The following TRPM6 variants were observed in gnomAD, a reference collection of about 807,000 sequenced individuals.
The protein encoded by TRPM6 is channel kinase 2.
A neutral mutation model predicts 247.6 loss-of-function variants in TRPM6; 111 were observed. That is an observed-to-expected ratio of 0.45 (90% CI 0.38 to 0.52). TRPM6 has a LOEUF of 0.52. Ranked by LOEUF, TRPM6 falls within the 20% of genes least tolerant of loss-of-function variation. TRPM6 has a pLI of 0.00. For synonymous variants in TRPM6, 892 were observed against 853.8 expected (o/e 1.04, Z -0.78); for missense variants, 2,126 against 2,421.5 (o/e 0.88, Z 2.56).
intron 7 of TRPM6, among the ~76,000 whole-genome samples, chr9:74,823,573 A>AT (rs1336506907): frequency 6.6e-6 from 1 of 152,132 alleles, no homozygotes; most frequent in Non-Finnish European, 1.5e-5. Flanking sequence ...CCTCCACCTC[A>AT]TTATTTTCTC....
rs1564030247 is a variant in TRPM6 at position 74,821,650 on chromosome 9, A to G, written c.1010+19T>C. 6.2e-7 allele frequency: 1 copy of G among 1,614,198 alleles called. No individual in the cohort carries two copies. The highest frequency in any genetic ancestry group is 8.5e-7 in the Non-Finnish European group (1 of 1,180,022). On this transcript the variant is annotated intron_variant, in intron 8 of 38. Transcript: ENST00000360774. ...TAAACAGCCCCTATAGTTTCAAAAA[A>G]GAAGAGCCAACAACTCACCCTTCAT... is the stretch of plus-strand genomic sequence containing the variant.
chr9:74,769,378 A>G (rs957029577), intron 25 of TRPM6, among the ~76,000 whole-genome samples: 10 of 152,110 alleles, frequency 6.6e-5, no homozygotes, highest in African/African-American at 2.2e-4. Flanking sequence ...TGAGCTCCTG[A>G]TGTCAAGTGA....
At chr9:74,870,230 C>A (rs1830978593) in intron 1 of TRPM6, among the ~76,000 whole-genome samples, 1 of 152,140 alleles carries the variant, frequency 6.6e-6, no homozygotes, top group African/African-American at 2.4e-5. Flanking sequence ...CTAGGATACA[C>A]CTACAGTATC....
At chr9:74,725,718 A>G (rs959556090) in intron 38 of TRPM6, among the ~76,000 whole-genome samples, 6 of 152,214 alleles carry the variant, frequency 3.9e-5, no homozygotes, top group Admixed American at 2.0e-4. Flanking sequence ...GCCTTCTGCC[A>G]TGATTGTGAG....
intron 1 of TRPM6, among the ~76,000 whole-genome samples, chr9:74,884,269 T>C (rs1010666983): frequency 4.7e-4 from 71 of 152,200 alleles, no homozygotes; most frequent in African/African-American, 1.6e-3. Flanking sequence ...GGTGGGCAGA[T>C]CACGAGGTCA....
chr9:74,747,321 G>C (rs1045648090), intron 31 of TRPM6, among the ~76,000 whole-genome samples: 1 of 152,180 alleles, frequency 6.6e-6, no homozygotes, highest in African/African-American at 2.4e-5. Flanking sequence ...AAGGAGGTGG[G>C]GGAGTACTGG....
chr9:74,738,090 T>C (rs1825750781), intron 36 of TRPM6, among the ~76,000 whole-genome samples: 1 of 152,222 alleles, frequency 6.6e-6, no homozygotes, highest in Non-Finnish European at 1.5e-5. Flanking sequence ...AATGCATGCC[T>C]AAATATTAAC....
intron 38 of TRPM6, among the ~76,000 whole-genome samples, chr9:74,727,381 C>CAAAA (rs763828073): frequency 2.3e-4 from 12 of 52,188 alleles, no homozygotes; most frequent in Non-Finnish European, 4.0e-4. Flanking sequence ...GACTCCGTCT[C>CAAAA]AAAAAAAAAA....
rs1291144842 is a variant in TRPM6, at chr9:74,762,847, T to C, written c.3824A>G (p.Tyr1275Cys). The C allele has an allele frequency of 1.9e-6, 3 of 1,614,096 alleles. No homozygotes were observed. Among genetic ancestry groups the C allele is most frequent in the Admixed American group, 3.3e-5 (2 of 60,004 alleles). Residue 1275 changes from tyrosine (Y) to cysteine (C), a missense_variant, in exon 26 of 39, where the codon TAT becomes TGT. Coordinates refer to ENST00000360774, the MANE Select transcript of TRPM6 (RefSeq NM_017662.5). ...CAGCAAAGAAGAGGGCATGCTATAA[T>C]ACTGGTATTTCTTCTCTCCAGCGAT... is the stretch of plus-strand genomic sequence containing the variant. Reference protein sequence around the residue: ...MEIAGEKKYQYYSMPSSLLRS... With the variant: ...MEIAGEKKYQCYSMPSSLLRS...
At chr9:74,847,717 A>G (rs1428467787) in intron 3 of TRPM6, among the ~76,000 whole-genome samples, 1 of 152,094 alleles carries the variant, frequency 6.6e-6, no homozygotes, top group Non-Finnish European at 1.5e-5. Context: ...ATAGTCAAAG[A>G]CAAAGTATAC....
chr9:74,818,405 C>G (rs796484508), intron 9 of TRPM6, among the ~76,000 whole-genome samples: 25 of 144,046 alleles, frequency 1.7e-4, no homozygotes, highest in African/African-American at 6.5e-4. Flanking sequence ...CGGGTTCAAG[C>G]GATTCTCCTG....
intron 11 of TRPM6, among the ~76,000 whole-genome samples, chr9:74,814,940 C>T (rs1172511323): frequency 6.6e-6 from 1 of 151,644 alleles, no homozygotes; most frequent in Non-Finnish European, 1.5e-5. Context: ...AGAGTGAGAC[C>T]CTATCTCAAA....
chr9:74,800,143 T>C (rs1828265388), intron 17 of TRPM6, 111 bp downstream of exon 17: 2 of 994,822 alleles, frequency 2.0e-6, no homozygotes, highest in African/African-American at 1.6e-5. Context: ...AGCTCTCAAA[T>C]ATATTAACTG....
intron 1 of TRPM6, among the ~76,000 whole-genome samples, chr9:74,883,732 C>T (rs529156384): frequency 2.0e-5 from 3 of 152,258 alleles, no homozygotes; most frequent in East Asian, 1.9e-4. Flanking sequence ...AAGCCAGGCA[C>T]GGTGTCATGT....
intron 1 of TRPM6, among the ~76,000 whole-genome samples, chr9:74,868,988 T>G (rs1830939960): frequency 6.6e-6 from 1 of 152,146 alleles, no homozygotes; most frequent in Non-Finnish European, 1.5e-5. Context: ...AGTTTCTCAG[T>G]TTAGTAAAAT....
intron 3 of TRPM6, among the ~76,000 whole-genome samples, chr9:74,853,122 G>T (rs1830404086): frequency 6.6e-6 from 1 of 151,826 alleles, no homozygotes; most frequent in Non-Finnish European, 1.5e-5. Context: ...GGGAACTGAG[G>T]AGTGTCTCTG....
Position 74,803,880 on chromosome 9 carries a change from TCTGGTGC to T in TRPM6, c.1639-1_1644del. On this transcript the variant is annotated splice_acceptor_variant and coding_sequence_variant, in exon 15 of 39. Transcript: ENST00000360774. LOFTEE classifies it high-confidence loss of function. Reference sequence around the variant, plus strand: ...TCATTTCTATTTCCTGAGGAGTGTCTCTGGTGCTGGGAAAGGTTTTGAACAAAGCTGG... The same window carrying T: ...TCATTTCTATTTCCTGAGGAGTGTCTTGGGAAAGGTTTTGAACAAAGCTGG... 6.2e-7 allele frequency: 1 copy of T among 1,611,510 alleles called. No individual in the cohort carries two copies. The highest frequency in any genetic ancestry group is 8.5e-7 in the Non-Finnish European group (1 of 1,177,654).
In TRPM6 at chr9:74,724,375, C is replaced by A. The variant is rs11144075; in HGVS notation, c.*238G>T. 34 of 572,378 alleles carry A rather than the reference C, an allele frequency of 5.9e-5. No homozygotes were observed. Among genetic ancestry groups the A allele is most frequent in the Admixed American group, 1.5e-4 (5 of 33,498 alleles). The allele number at this position is 572,378 out of a possible 1,614,324, so 35.5% of individuals were successfully genotyped here. A position where few individuals can be genotyped will look rare whatever the true frequency, so the allele number is the denominator to read the frequency against. On this transcript the variant is annotated 3_prime_UTR_variant, in exon 39 of 39. Transcript: ENST00000360774. Reference sequence around the variant, plus strand: ...GAACAATATTCCCAGCTGACTCATCCAAGCATCTTCGTGTGGAACTTGAGG... The same window carrying A: ...GAACAATATTCCCAGCTGACTCATCAAAGCATCTTCGTGTGGAACTTGAGG...
At chr9:74,832,551 AACT>A (rs1332755743) in intron 6 of TRPM6, among the ~76,000 whole-genome samples, 1 of 152,184 alleles carries the variant, frequency 6.6e-6, no homozygotes, top group Admixed American at 6.6e-5. Flanking sequence ...TTTTAGAAAG[AACT>A]ACTAAAATAT....
Sources: allele counts gnomAD v4.1 joint callset (sites outside exome capture counted in the v4.1 genomes callset), GRCh38; gene constraint gnomAD v4.1.1; transcripts MANE v1.5; gene names NCBI Gene and HGNC (gene_info 2026-07-23, HGNC 2026-07-21).